IL17B: variants seen among roughly 807,000 people sequenced by gnomAD.
IL17B encodes interleukin 17B.
In IL17B, 14 loss-of-function variants were observed where a neutral mutation model predicts 14.7. That is an observed-to-expected ratio of 0.95 (90% CI 0.63 to 1.49). The LOEUF (loss-of-function observed/expected upper bound fraction) is 1.49, where lower values mean the gene tolerates loss of function less well. IL17B is among the 40% of genes most tolerant of loss of function. IL17B has a pLI of 0.00. For missense variants in IL17B, 233 were observed against 252.8 expected (o/e 0.92, Z 0.53); for synonymous variants, 105 against 94.8 (o/e 1.11, Z -0.62).
At chr5:149,402,689 T>TTA (rs1759230116) in intron 1 of IL17B, among the ~76,000 whole-genome samples, 1 of 139,186 alleles carries the variant, frequency 7.2e-6, no homozygotes, top group Non-Finnish European at 1.5e-5. Flanking sequence ...ACCATGCTTT[T>TTA]AAAAAAAAAA....
Position 149,374,387 on chromosome 5 carries a change from G to C in IL17B, c.525C>G (p.Gly175=). ...AGGTGATTCAGAAGATGCAGGTGCAGCCCACAGCGATGGTCTCCATGACTG... is the reference window on the plus strand; with the variant it reads ...AGGTGATTCAGAAGATGCAGGTGCACCCCACAGCGATGGTCTCCATGACTG... ...QRAVMETIAV[G]CTCIF Residue 175 remains glycine, a synonymous_variant, in exon 3 of 3, where the codon GGC becomes GGG. Transcript: ENST00000261796. The surrounding 1 kb of genome is among the most constrained non-coding windows in gnomAD (Gnocchi z 5.0). 1 of 1,583,284 alleles carries C rather than the reference G, an allele frequency of 6.3e-7. No homozygotes were observed. Among genetic ancestry groups the C allele is most frequent in the Non-Finnish European group, 8.6e-7 (1 of 1,165,430 alleles).
chr5:149,392,415 T>C (rs1322475459), intron 1 of IL17B, among the ~76,000 whole-genome samples: 2 of 152,362 alleles, frequency 1.3e-5, no homozygotes, highest in East Asian at 3.9e-4. Context: ...GGCAGCCCGC[T>C]GTAGAATGAT....
chr5:149,401,139 C>T (rs750357858), intron 1 of IL17B, among the ~76,000 whole-genome samples: 1 of 152,210 alleles, frequency 6.6e-6, no homozygotes. Context: ...TCTGCCTTGA[C>T]AGGACAATTT....
intron 1 of IL17B, among the ~76,000 whole-genome samples, chr5:149,390,231 T>TCCCCC (rs1491169321): frequency 8.0e-6 from 1 of 125,272 alleles, no homozygotes; most frequent in Non-Finnish European, 1.9e-5. Context: ...CCCCCCTCCC[T>TCCCCC]GTCCCTGGGG....
chr5:149,390,874 T>A (rs1028818087), intron 1 of IL17B, among the ~76,000 whole-genome samples: 1 of 152,042 alleles, frequency 6.6e-6, no homozygotes, highest in Non-Finnish European at 1.5e-5. Context: ...TAAATTAAAA[T>A]TTTTTTAATA....
chr5:149,382,844 A>G (rs1488594168), upstream of IL17B, among the ~76,000 whole-genome samples: 1 of 152,254 alleles, frequency 6.6e-6, no homozygotes, highest in Non-Finnish European at 1.5e-5. Flanking sequence ...GAGAGCTCCC[A>G]GGGTGCTCGT....
intron 1 of IL17B, among the ~76,000 whole-genome samples, chr5:149,394,692 T>C (rs924436614): frequency 1.3e-5 from 2 of 152,220 alleles, no homozygotes; most frequent in Non-Finnish European, 2.9e-5. Flanking sequence ...TTCACAATCA[T>C]TCACTATATT....
chr5:149,377,253 G>A (rs1758570743), intron 1 of IL17B, among the ~76,000 whole-genome samples: 1 of 152,094 alleles, frequency 6.6e-6, no homozygotes, highest in Admixed American at 6.5e-5. Flanking sequence ...GCTCCTTCCT[G>A]CCACAGGGAC....
At chr5:149,387,090 G>T (rs1041087882) in intron 1 of IL17B, among the ~76,000 whole-genome samples, 1 of 150,772 alleles carries the variant, frequency 6.6e-6, no homozygotes, top group African/African-American at 2.4e-5. Flanking sequence ...AGGGGCTCTT[G>T]CTGGGCCCCT....
At chr5:149,400,515 T>C (rs1759184712) in intron 1 of IL17B, among the ~76,000 whole-genome samples, 1 of 152,178 alleles carries the variant, frequency 6.6e-6, no homozygotes, top group Admixed American at 6.5e-5. Flanking sequence ...GCTGGCTTTG[T>C]GGGTGTGGCA....
intron 1 of IL17B, among the ~76,000 whole-genome samples, chr5:149,401,617 T>C (rs995730808): frequency 1.1e-4 from 17 of 152,200 alleles, no homozygotes; most frequent in African/African-American, 4.1e-4. Flanking sequence ...TGGTAGCATA[T>C]GCCTGTAATT....
upstream of IL17B, among the ~76,000 whole-genome samples, chr5:149,383,177 G>A (rs527516427): frequency 5.3e-5 from 8 of 152,348 alleles, no homozygotes; most frequent in East Asian, 3.9e-4. Flanking sequence ...GATAATGCAC[G>A]TTAAAGCGCT....
chr5:149,402,807 T>C (rs1434579156), intron 1 of IL17B, among the ~76,000 whole-genome samples: 1 of 150,622 alleles, frequency 6.6e-6, no homozygotes, highest in African/African-American at 2.4e-5. Context: ...ATCAAGACCA[T>C]CCTGGCTAAC....
intron 1 of IL17B, among the ~76,000 whole-genome samples, chr5:149,395,949 C>T (rs530551037): frequency 7.9e-4 from 121 of 152,226 alleles, no homozygotes; most frequent in Middle Eastern, 3.4e-3. Flanking sequence ...ACTGGGATTA[C>T]AAGTACTGGG....
chr5:149,376,365 G>A (rs1032985248), intron 2 of IL17B, among the ~76,000 whole-genome samples: 5 of 152,242 alleles, frequency 3.3e-5, no homozygotes, highest in African/African-American at 1.2e-4. Context: ...GAGACAGACT[G>A]GAACACCGCA....
intron 1 of IL17B, among the ~76,000 whole-genome samples, chr5:149,392,640 G>A (rs1170727164): frequency 6.6e-6 from 1 of 152,096 alleles, no homozygotes; most frequent in Non-Finnish European, 1.5e-5. Context: ...AAGGGAGTGG[G>A]GTTAGAAGGG....
chr5:149,388,314 T>C (rs376121746), intron 1 of IL17B, among the ~76,000 whole-genome samples: 4 of 152,340 alleles, frequency 2.6e-5, no homozygotes, highest in East Asian at 3.9e-4. Context: ...TTGTCTTCCA[T>C]ATTGGGATTC....
chr5:149,379,349 T>C (rs932412417), upstream of IL17B: 9 of 1,151,028 alleles, frequency 7.8e-6, no homozygotes, highest in Non-Finnish European at 1.1e-5. Flanking sequence ...GCTGGGGGAG[T>C]GAGTGGGTGG....
intron 1 of IL17B, among the ~76,000 whole-genome samples, chr5:149,392,913 C>T (rs942412697): frequency 2.0e-5 from 3 of 150,758 alleles, no homozygotes; most frequent in Non-Finnish European, 2.9e-5. Flanking sequence ...CATCTGTGTA[C>T]GTGTGTGTGC....
Sources: gnomAD v4.1 joint callset for allele counts (sites outside exome capture counted in the v4.1 genomes callset) on GRCh38, gnomAD v4.1.1 for gene constraint, Gnocchi (gnomAD v3.1) non-coding constraint, MANE v1.5 for transcripts, NCBI Gene and HGNC (gene_info 2026-07-23, HGNC 2026-07-21) for gene names.